HDAC9: variants seen among roughly 807,000 people sequenced by gnomAD.
HDAC9 encodes histone deacetylase 9.
HDAC9 carries 41 observed loss-of-function variants against 139.4 expected under a neutral mutation model. That is an observed-to-expected ratio of 0.29 (90% CI 0.23 to 0.38). HDAC9 has a LOEUF of 0.38. Among genes scored for constraint, HDAC9 ranks in the 10% least tolerant of loss-of-function variants. The pLI, the probability that HDAC9 is intolerant of heterozygous loss-of-function variation, is 1.00. For missense variants in HDAC9, 1,147 were observed against 1,297.0 expected, an observed-to-expected ratio of 0.88 and a Z score of 1.78; for synonymous variants, 517 against 476.2, an observed-to-expected ratio of 1.09 and a Z score of -1.12.
chr7:18,337,972 A>T (rs1257274935), intron 1 of HDAC9, among the ~76,000 whole-genome samples: 1 of 151,788 alleles, frequency 6.6e-6, no homozygotes, highest in Non-Finnish European at 1.5e-5. Context: ...TAAAAATGAG[A>T]TAATGAGATA....
chr7:18,101,521 T>C (rs969175603), intron 1 of HDAC9, among the ~76,000 whole-genome samples: 4 of 152,252 alleles, frequency 2.6e-5, no homozygotes, highest in African/African-American at 7.2e-5. Flanking sequence ...ATTCCTTTTC[T>C]CTTCCATGTA....
intron 12 of HDAC9, among the ~76,000 whole-genome samples, chr7:18,718,141 C>A (rs1784848391): frequency 1.3e-5 from 2 of 152,160 alleles, no homozygotes; most frequent in Non-Finnish European, 2.9e-5. Context: ...CTCCTACAAC[C>A]CTAGGCAACC....
intron 2 of HDAC9, among the ~76,000 whole-genome samples, chr7:18,197,897 A>AT (rs1347602782): frequency 6.6e-6 from 1 of 152,182 alleles, no homozygotes; most frequent in African/African-American, 2.4e-5. Context: ...TTGCACTTAG[A>AT]TATAGAGACT....
chr7:18,689,098 T>C (rs1201321283), intron 12 of HDAC9, among the ~76,000 whole-genome samples: 6 of 151,936 alleles, frequency 3.9e-5, no homozygotes, highest in Non-Finnish European at 5.9e-5. Context: ...AAGACTTACG[T>C]TGAAAAATAA....
In HDAC9 at chr7:18,480,238, G is replaced by A. The variant is rs570143642; in HGVS notation, c.-41-16024G>A. Among the ~76,000 whole-genome samples the A allele has an allele frequency of 4.6e-5, 7 of 152,206 alleles. No homozygotes were observed. The South Asian group carries it at 1.5e-3, about 32-fold the overall frequency. ...GCAACACTACTATTAGGGATAGATG[G>A]TAATCACCAGTACATAGATAAAACC... On this transcript the variant is annotated intron_variant, in intron 1 of 3. Coordinates refer to the HDAC9 transcript ENST00000413509.
chr7:18,993,569 A>C (rs939284928), intron 25 of HDAC9, among the ~76,000 whole-genome samples: 1 of 152,162 alleles, frequency 6.6e-6, no homozygotes, highest in African/African-American at 2.4e-5. Flanking sequence ...TGGAAGGCTA[A>C]AGCAGGAGGA....
At chr7:18,787,230 A>G (rs893467364) in intron 16 of HDAC9, among the ~76,000 whole-genome samples, 3 of 151,990 alleles carry the variant, frequency 2.0e-5, no homozygotes, top group African/African-American at 7.3e-5. Context: ...AATCTTTCTT[A>G]TGGGCCAAGC....
chr7:18,742,281 C>T (rs964117856), intron 13 of HDAC9, among the ~76,000 whole-genome samples: 2 of 152,208 alleles, frequency 1.3e-5, no homozygotes, highest in Non-Finnish European at 2.9e-5. Flanking sequence ...GCCACAGCCA[C>T]TCCAGCCTTC....
At chr7:18,927,789 T>C (rs1585329702) in intron 22 of HDAC9, among the ~76,000 whole-genome samples, 1 of 152,298 alleles carries the variant, frequency 6.6e-6, no homozygotes, top group East Asian at 1.9e-4. Flanking sequence ...AGTGAGTATT[T>C]CAAAAGCTTT....
chr7:18,845,131 G>GT (rs1474355111), intron 21 of HDAC9, among the ~76,000 whole-genome samples: 1 of 152,072 alleles, frequency 6.6e-6, no homozygotes, highest in African/African-American at 2.4e-5. Context: ...ATTTAGTTTG[G>GT]TTTTTTGAGG....
chr7:18,323,277 A>G (rs1016532229), intron 1 of HDAC9, among the ~76,000 whole-genome samples: 1 of 151,856 alleles, frequency 6.6e-6, no homozygotes, highest in Non-Finnish European at 1.5e-5. Flanking sequence ...ATTTCTCACC[A>G]CCTCCATTGC....
rs56249427 is a variant in HDAC9 at position 18,859,811 on chromosome 7, CATATATATATATATATATATATATATAT to C, written c.2685-14646_2685-14619del. ...GAAGAAATATAAAGGCTAACGCTCT[CATATATATATATATATATATATATATAT>C]ATATATATATATATATATATGTGAG... On this transcript the variant is annotated intron_variant, in intron 21 of 25. Coordinates refer to ENST00000686413, the MANE Select transcript of HDAC9 (RefSeq NM_178425.4). Among the ~76,000 whole-genome samples, 64 of 44,848 alleles carry C rather than the reference CATATATATATATATATATATATATATAT, an allele frequency of 1.4e-3. 3 individuals are homozygous for C. The highest frequency in any genetic ancestry group is 6.3e-3 in the Admixed American group (22 of 3,470). The allele number at this position is 44,848 out of a possible 152,430, so 29.4% of individuals were successfully genotyped here.
chr7:18,121,702 G>C (rs1784375128), intron 1 of HDAC9, among the ~76,000 whole-genome samples: 1 of 152,138 alleles, frequency 6.6e-6, no homozygotes, highest in South Asian at 2.1e-4. Flanking sequence ...GCTTTTCAAC[G>C]TGAATTTCAA....
chr7:18,702,749 A>G (rs1783606732), intron 12 of HDAC9, among the ~76,000 whole-genome samples: 1 of 152,206 alleles, frequency 6.6e-6, no homozygotes, highest in Non-Finnish European at 1.5e-5. Flanking sequence ...AATTAGAATT[A>G]CCATTTCCCT....
intron 1 of HDAC9, among the ~76,000 whole-genome samples, chr7:18,298,392 C>T (rs746071434): frequency 5.1e-4 from 77 of 151,838 alleles, no homozygotes; most frequent in Non-Finnish European, 5.4e-4. Flanking sequence ...CCCAGTAACT[C>T]GTCATCTAGC....
intron 17 of HDAC9, among the ~76,000 whole-genome samples, chr7:18,818,723 C>T (rs779868120): frequency 1.9e-4 from 29 of 152,154 alleles, no homozygotes; most frequent in Non-Finnish European, 3.5e-4. Context: ...TGTGTTCTTA[C>T]TCTCATCAGT....
At chr7:18,778,924 T>G (rs1791009539) in intron 16 of HDAC9, among the ~76,000 whole-genome samples, 1 of 152,056 alleles carries the variant, frequency 6.6e-6, no homozygotes, top group Non-Finnish European at 1.5e-5. Flanking sequence ...GGAGATGGTT[T>G]GTGGTAGAGC....
At chr7:18,381,651 A>G (rs1454766978) in intron 1 of HDAC9, among the ~76,000 whole-genome samples, 3 of 152,154 alleles carry the variant, frequency 2.0e-5, no homozygotes, top group Non-Finnish European at 4.4e-5. Flanking sequence ...CAGTACTCAA[A>G]TTTAGATAAA....
rs146471563 is a variant in HDAC9 at position 18,293,085 on chromosome 7, C to T, written c.-42+2570C>T. On this transcript the variant is annotated intron_variant, in intron 1 of 3. Coordinates refer to the HDAC9 transcript ENST00000413509. ...CATAAATGATTGACTTGCCTTTTAT[C>T]AGGCAATCTGATACAATTTGCAATC... Among the ~76,000 whole-genome samples the T allele has an allele frequency of 1.2e-4, 18 of 152,036 alleles. No individual in the cohort carries two copies. In the East Asian group the frequency reaches 3.3e-3, roughly 28 times the overall value.
Sources: allele counts gnomAD v4.1 joint callset (sites outside exome capture counted in the v4.1 genomes callset), GRCh38; gene constraint gnomAD v4.1.1; transcripts MANE v1.5; gene names NCBI Gene and HGNC (gene_info 2026-07-23, HGNC 2026-07-21).